SMARCAL1: variants seen among roughly 807,000 people sequenced by gnomAD.
SMARCAL1 encodes SNF2 related chromatin remodeling annealing helicase 1.
Under a neutral mutation model 94.5 loss-of-function variants are expected in SMARCAL1, and 58 were observed. The ratio of observed to expected loss-of-function variants is 0.61; its 90% CI spans 0.50 to 0.76. SMARCAL1 has a LOEUF of 0.76. Ranked by LOEUF, SMARCAL1 falls within the 30% of genes least tolerant of loss-of-function variation. The pLI, the probability that SMARCAL1 is intolerant of heterozygous loss-of-function variation, is 0.00. For synonymous variants in SMARCAL1, 422 were observed against 455.1 expected (o/e 0.93, Z 0.93); for missense variants, 1,051 against 1,177.9 (o/e 0.89, Z 1.58).
At chr2:216,426,199 T>A (rs1693830036) in intron 6 of SMARCAL1, among the ~76,000 whole-genome samples, 1 of 152,232 alleles carries the variant, frequency 6.6e-6, no homozygotes, top group African/African-American at 2.4e-5. Flanking sequence ...AGAAGTGAGT[T>A]CTTTCCTTCT....
chr2:216,450,209 G>A lies in SMARCAL1; in HGVS notation c.1852-637G>A, dbSNP rs531076367. ...AACATTTGAGATCACTGCCTCCCGTGAGCTCCTCAACGAGGGAGCCATGTT... is the reference window on the plus strand; with the variant it reads ...AACATTTGAGATCACTGCCTCCCGTAAGCTCCTCAACGAGGGAGCCATGTT... On this transcript the variant is annotated intron_variant, in intron 11 of 17. Coordinates refer to ENST00000357276, the MANE Select transcript of SMARCAL1 (RefSeq NM_014140.4). 1.5e-4 allele frequency among the ~76,000 whole-genome samples: 23 copies of A among 152,286 alleles called. No homozygotes were observed. In the South Asian group the frequency reaches 4.8e-3, roughly 32 times the overall value.
intron 10 of SMARCAL1, among the ~76,000 whole-genome samples, chr2:216,446,313 C>T (rs1211809696): frequency 6.6e-6 from 1 of 152,184 alleles, no homozygotes; most frequent in Non-Finnish European, 1.5e-5. Flanking sequence ...GAAAATGGAA[C>T]CAGGTATCAC....
intron 14 of SMARCAL1, among the ~76,000 whole-genome samples, chr2:216,469,279 CTTTTTTT>C (rs71054477): frequency 0.013 from 1,384 of 103,024 alleles, 7 homozygotes; most frequent in African/African-American, 0.049. Flanking sequence ...TTAGAGATTT[CTTTTTTT>C]TTTTTTTTTT....
intron 17 of SMARCAL1, 72 bp downstream of exon 17, chr2:216,478,371 C>A (rs1352002462): frequency 8.5e-7 from 1 of 1,182,126 alleles, no homozygotes; most frequent in Non-Finnish European, 1.3e-6. Flanking sequence ...GTCTTTGGGT[C>A]CTGAGTAGGA....
intron 10 of SMARCAL1, 126 bp from the exon 11 acceptor site, chr2:216,446,892 A>G (rs1694326875): frequency 1.9e-6 from 2 of 1,032,758 alleles, no homozygotes; most frequent in African/African-American, 1.6e-5. Context: ...CAATGCCATT[A>G]GGTTCTCGCG....
intron 6 of SMARCAL1, among the ~76,000 whole-genome samples, chr2:216,428,238 CT>C (rs1286931793): frequency 6.6e-6 from 1 of 152,168 alleles, no homozygotes; most frequent in Non-Finnish European, 1.5e-5. Context: ...GTAATTCAGC[CT>C]CCTTCTCCCA....
intron 17 of SMARCAL1, among the ~76,000 whole-genome samples, chr2:216,479,929 G>A (rs896695184): frequency 6.6e-6 from 1 of 152,166 alleles, no homozygotes; most frequent in African/African-American, 2.4e-5. Flanking sequence ...GCACATGCCT[G>A]TATTCCCAGC....
Position 216,477,165 on chromosome 2 carries a change from C to T in SMARCAL1, c.2484C>T (p.Gly828=), listed in dbSNP as rs929008540. 5 of 1,597,304 alleles carry T rather than the reference C, an allele frequency of 3.1e-6. No homozygotes were observed. In the African/African-American group the frequency reaches 5.4e-5, roughly 17 times the overall value. Residue 828 remains glycine, a synonymous_variant, in exon 16 of 18, where the codon GGC becomes GGT. Transcript: ENST00000357276. Reference sequence around the variant, plus strand: ...GCATTGGACAGACCAGCTCCGTGGGCATTCACTACCTCGTGGCAAAGGGCA... The same window carrying T: ...GCATTGGACAGACCAGCTCCGTGGGTATTCACTACCTCGTGGCAAAGGGCA... ...VHRIGQTSSV[G]IHYLVAKGTA...
chr2:216,455,347 G>C (rs1574470747), intron 12 of SMARCAL1, among the ~76,000 whole-genome samples: 3 of 152,356 alleles, frequency 2.0e-5, no homozygotes, highest in Admixed American at 2.0e-4. Context: ...GCTTTGAAGA[G>C]AGTAGTGGTT....
rs139814459 is a variant in SMARCAL1 at position 216,433,981 on chromosome 2, GTTC to G, written c.1485+1116_1485+1118del. On this transcript the variant is annotated intron_variant, in intron 8 of 17. Transcript: ENST00000357276. ...TTTTTTTTCTGTCCTGGTGATCTGA[GTTC>G]TTTTTTTTTTTAATTTTAATTTTTT... Among the ~76,000 whole-genome samples the G allele has an allele frequency of 4.4e-3, 668 of 150,118 alleles. 2 individuals carry two copies. Among genetic ancestry groups the G allele is most frequent in the African/African-American group, 0.016 (639 of 41,100 alleles).
At chr2:216,474,136 T>C (rs1326089143) in intron 14 of SMARCAL1, among the ~76,000 whole-genome samples, 3 of 117,558 alleles carry the variant, frequency 2.6e-5, no homozygotes, top group Non-Finnish European at 5.0e-5. Context: ...TTCTTTTTTT[T>C]TTTTTTTTTT....
chr2:216,455,081 G>A (rs577376006), intron 12 of SMARCAL1, among the ~76,000 whole-genome samples: 5 of 152,188 alleles, frequency 3.3e-5, no homozygotes, highest in South Asian at 2.1e-4. Flanking sequence ...ATGGTCCCAC[G>A]CCCACGGAGG....
intron 12 of SMARCAL1, among the ~76,000 whole-genome samples, chr2:216,451,813 A>G (rs1694457421): frequency 6.6e-6 from 1 of 152,224 alleles, no homozygotes; most frequent in Non-Finnish European, 1.5e-5. Flanking sequence ...CTGTCCTCTT[A>G]GATAAAACCT....
At chr2:216,469,473 A>G (rs1216767394) in intron 14 of SMARCAL1, among the ~76,000 whole-genome samples, 2 of 151,670 alleles carry the variant, frequency 1.3e-5, no homozygotes, top group African/African-American at 2.4e-5. Context: ...TAGTAGAGAC[A>G]GGGTTTCACC....
chr2:216,464,727 CTT>C lies in SMARCAL1; in HGVS notation c.2141+61_2141+62del, dbSNP rs1694794452. 3.8e-6 allele frequency: 4 copies of C among 1,057,864 alleles called. No individual in the cohort carries two copies. In the Admixed American group the frequency reaches 6.8e-5, roughly 18 times the overall value. 65.5% of individuals were successfully genotyped at this position (1,057,864 alleles called of 1,614,324 possible). A position where few individuals can be genotyped will look rare whatever the true frequency, so the allele number is the denominator to read the frequency against. On this transcript the variant is annotated intron_variant, in intron 13 of 17. Coordinates refer to ENST00000357276, the MANE Select transcript of SMARCAL1 (RefSeq NM_014140.4). ...TCATCTTCAAAAAAAAAAAAAACAA[CTT>C]ATTACTTTATTCTGCCTGAATGATT...
chr2:216,446,374 C>G (rs1284942650), intron 10 of SMARCAL1, among the ~76,000 whole-genome samples: 1 of 152,222 alleles, frequency 6.6e-6, no homozygotes, highest in East Asian at 1.9e-4. Context: ...GAGTCAGGAT[C>G]TGTAGGCTTG....
chr2:216,428,575 T>C lies in SMARCAL1; in HGVS notation c.1148-21T>C, dbSNP rs201246741. 6.1e-5 allele frequency: 99 copies of C among 1,612,378 alleles called. No homozygotes were observed. The African/African-American group carries it at 1.2e-3, about 19-fold the overall frequency. On this transcript the variant is annotated intron_variant, in intron 6 of 17. Coordinates refer to ENST00000357276, the MANE Select transcript of SMARCAL1 (RefSeq NM_014140.4). ...TTGGGCATGAACACTCCAGCTCATA[T>C]GCTTCTGTTCTTCTTTTCAGTTGCA... is the stretch of plus-strand genomic sequence containing the variant.
chr2:216,428,842 A>AC, intron 7 of SMARCAL1, 60 bp downstream of exon 7: 1 of 1,446,778 alleles, frequency 6.9e-7, no homozygotes, highest in Non-Finnish European at 9.7e-7. Flanking sequence ...CTCACCACAG[A>AC]CTGCATTCAG....
At chr2:216,450,750 T>A in intron 11 of SMARCAL1, 96 bp from the exon 12 acceptor site, 1 of 889,990 alleles carries the variant, frequency 1.1e-6, no homozygotes, top group South Asian at 1.3e-5. Flanking sequence ...AAGCCAGGGG[T>A]GGTTGTGAGA....
Sources: gnomAD v4.1 joint callset for allele counts (sites outside exome capture counted in the v4.1 genomes callset) on GRCh38, gnomAD v4.1.1 for gene constraint, MANE v1.5 for transcripts, NCBI Gene and HGNC (gene_info 2026-07-23, HGNC 2026-07-21) for gene names.